ENTPD7: variants seen among roughly 807,000 people sequenced by gnomAD.
ENTPD7 encodes the protein NTPDase 7.
Under a neutral mutation model 77.9 loss-of-function variants are expected in ENTPD7, and 53 were observed. The observed-to-expected ratio is 0.68, with a 90% CI of 0.55 to 0.85. The LOEUF (loss-of-function observed/expected upper bound fraction) is 0.85, where lower values mean the gene tolerates loss of function less well. Ranked by LOEUF, ENTPD7 falls within the 40% of genes least tolerant of loss-of-function variation. The pLI is 0.00. For missense variants in ENTPD7, 636 were observed against 743.7 expected (o/e 0.86, Z 1.68); for synonymous variants, 248 against 274.9 (o/e 0.90, Z 0.97).
intron 10 of ENTPD7, among the ~76,000 whole-genome samples, chr10:99,700,154 C>T (rs2036082796): frequency 6.6e-6 from 1 of 152,098 alleles, no homozygotes; most frequent in South Asian, 2.1e-4. Flanking sequence ...TCTCTTATCT[C>T]AAAACTTCTT....
intron 6 of ENTPD7, 79 bp from the exon 7 acceptor site, chr10:99,688,615 A>G: frequency 7.7e-7 from 1 of 1,299,976 alleles, no homozygotes; most frequent in East Asian, 2.5e-5. Flanking sequence ...AAAAAGAGGA[A>G]AGAGAAGCCC....
intron 5 of ENTPD7, among the ~76,000 whole-genome samples, chr10:99,681,529 C>T (rs183897482): frequency 5.3e-5 from 8 of 152,196 alleles, no homozygotes; most frequent in Non-Finnish European, 7.4e-5. Flanking sequence ...GCAGTCTGCA[C>T]GTCTTGGCCT....
Position 99,695,964 on chromosome 10 carries a change from T to C in ENTPD7, c.852T>C (p.Ala284=). 1.2e-6 allele frequency: 2 copies of C among 1,612,878 alleles called. No homozygotes were observed. Among genetic ancestry groups the C allele is most frequent in the African/African-American group, 1.3e-5 (1 of 74,962 alleles). ...TSVLPAKQEE[A]AKILLAEFNL... Reference sequence around the variant, plus strand: ...TTGGTATTGTATTATAGGAAGAAGCTGCCAAGATCCTGCTGGCTGAGTTCA... The same window carrying C: ...TTGGTATTGTATTATAGGAAGAAGCCGCCAAGATCCTGCTGGCTGAGTTCA... Residue 284 remains alanine (A), a synonymous_variant, in exon 9 of 13, where the codon GCT becomes GCC. Coordinates refer to ENST00000370489, the MANE Select transcript of ENTPD7 (RefSeq NM_020354.5).
intron 6 of ENTPD7, 44 bp downstream of exon 6, chr10:99,685,939 C>A: frequency 7.8e-7 from 1 of 1,278,610 alleles, no homozygotes; most frequent in South Asian, 1.2e-5. Flanking sequence ...TCTAAGCCAA[C>A]CATGGCACAG....
chr10:99,671,971 A>T (rs1189219507), intron 3 of ENTPD7, among the ~76,000 whole-genome samples: 1 of 152,232 alleles, frequency 6.6e-6, no homozygotes, highest in Non-Finnish European at 1.5e-5. Flanking sequence ...TCTTTAGCAT[A>T]TACAGATGAA....
intron 3 of ENTPD7, among the ~76,000 whole-genome samples, chr10:99,678,064 T>A (rs1032849152): frequency 6.6e-6 from 1 of 152,172 alleles, no homozygotes; most frequent in African/African-American, 2.4e-5. Context: ...ATTATTATTA[T>A]TTTTTAAAAA....
At chr10:99,701,563 C>T (rs1409239528) in intron 11 of ENTPD7, among the ~76,000 whole-genome samples, 1 of 151,516 alleles carries the variant, frequency 6.6e-6, no homozygotes, top group East Asian at 2.0e-4. Flanking sequence ...GCTAGGATTA[C>T]AGGTATGAGC....
chr10:99,699,808 TG>T (rs2036073581), intron 10 of ENTPD7, among the ~76,000 whole-genome samples: 1 of 152,106 alleles, frequency 6.6e-6, no homozygotes, highest in Non-Finnish European at 1.5e-5. Flanking sequence ...TCAGGTGATC[TG>T]CCCGCCTTGG....
Position 99,706,982 on chromosome 10 carries a change from T to C in ENTPD7, c.*2299T>C, listed in dbSNP as rs774468091. On this transcript the variant is annotated 3_prime_UTR_variant, in exon 13 of 13. Coordinates refer to ENST00000370489, the MANE Select transcript of ENTPD7 (RefSeq NM_020354.5). ...TCCAGTTTGAAAGCTCTTATTAGTA[T>C]TCTTCATCCTGGCTGTAATAATAGC... 2.8e-4 allele frequency among the ~76,000 whole-genome samples: 43 copies of C among 152,340 alleles called. No homozygotes were observed. Among genetic ancestry groups the C allele is most frequent in the Non-Finnish European group, 3.8e-4 (26 of 68,018 alleles).
At chr10:99,686,820 G>A (rs1050183594) in intron 6 of ENTPD7, among the ~76,000 whole-genome samples, 1 of 151,004 alleles carries the variant, frequency 6.6e-6, no homozygotes, top group Admixed American at 6.6e-5. Context: ...TACATTATGA[G>A]ACTCTGGGTC....
At chr10:99,661,884 G>A (rs1247227923) in intron 3 of ENTPD7, among the ~76,000 whole-genome samples, 2 of 152,008 alleles carry the variant, frequency 1.3e-5, no homozygotes, top group Non-Finnish European at 2.9e-5. Context: ...TAAATGTTTA[G>A]GACTGTATTA....
chr10:99,662,892 C>T (rs886499621), intron 3 of ENTPD7, among the ~76,000 whole-genome samples: 7 of 152,206 alleles, frequency 4.6e-5, no homozygotes, highest in Non-Finnish European at 7.3e-5. Context: ...GTGCCATATC[C>T]TGTCATTTGT....
chr10:99,699,873 A>G (rs1386257900), intron 10 of ENTPD7, among the ~76,000 whole-genome samples: 1 of 151,492 alleles, frequency 6.6e-6, no homozygotes, highest in Non-Finnish European at 1.5e-5. Flanking sequence ...GCCTCTCCTC[A>G]TATTTCCCTC....
chr10:99,710,697 A>C lies in ENTPD7; in HGVS notation c.*6014A>C, dbSNP rs1288711636. The C allele has an allele frequency of 2.0e-6, 2 of 985,326 alleles. No individual in the cohort carries two copies. The highest frequency in any genetic ancestry group is 5.2e-4 in the Middle Eastern group (1 of 1,936). 61.0% of individuals were successfully genotyped at this position (985,326 alleles called of 1,614,324 possible). On this transcript the variant is annotated 3_prime_UTR_variant, in exon 13 of 13. Coordinates refer to ENST00000370489, the MANE Select transcript of ENTPD7 (RefSeq NM_020354.5). ...TATGCTGATATATAACCCACCATTC[A>C]TCCCAGGACCACAAGGGTAGCTGTA...
At chr10:99,700,719 T>TAG (rs1055003900) in intron 10 of ENTPD7, 1 of 489,598 alleles carries the variant, frequency 2.0e-6, no homozygotes, top group Non-Finnish European at 3.6e-6. Flanking sequence ...TTGCTATTTG[T>TAG]TAGTCCTAAC....
intron 3 of ENTPD7, among the ~76,000 whole-genome samples, chr10:99,669,239 C>A (rs1030565343): frequency 6.6e-6 from 1 of 152,034 alleles, no homozygotes; most frequent in Non-Finnish European, 1.5e-5. Flanking sequence ...GATAGTCTCT[C>A]TTGCACATTG....
At chr10:99,672,392 A>G (rs960588163) in intron 3 of ENTPD7, among the ~76,000 whole-genome samples, 5 of 151,558 alleles carry the variant, frequency 3.3e-5, no homozygotes, top group African/African-American at 1.2e-4. Context: ...TGCAGCCTCA[A>G]CCTCCCAGGC....
At position 99,669,274 on chromosome 10, in the gene ENTPD7, A is replaced by G. The variant is rs755114434; in HGVS notation, c.191+7646A>G. 4.5e-4 allele frequency among the ~76,000 whole-genome samples: 68 copies of G among 152,260 alleles called. No individual in the cohort carries two copies. In the Middle Eastern group the frequency reaches 0.024, roughly 53 times the overall value. ...GCATCTTTGTATTTTAATATATATGAAAGCAGTTAATGTTTAAAATATTTT... is the reference window on the plus strand; with the variant it reads ...GCATCTTTGTATTTTAATATATATGGAAGCAGTTAATGTTTAAAATATTTT... On this transcript the variant is annotated intron_variant, in intron 3 of 12. Transcript: ENST00000370489.
In ENTPD7 at chr10:99,698,783, GT is replaced by G; in HGVS notation, c.1267del (p.Tyr423IlefsTer33). 1.2e-6 allele frequency: 2 copies of G among 1,614,182 alleles called. No individual in the cohort carries two copies. The highest frequency in any genetic ancestry group is 1.7e-6 in the Non-Finnish European group (2 of 1,180,032). The stretch of plus-strand genomic sequence containing the variant: ...ACAGCGAGTTCTACGGCTTCTCTGA[GT>G]TTTTTTATTGTACAGAGGATGTGTT... ...NNSEFYGFSE[F>X]FYCTEDVLRI... On this transcript the variant is annotated frameshift_variant, in exon 10 of 13. Coordinates refer to ENST00000370489, the MANE Select transcript of ENTPD7 (RefSeq NM_020354.5). LOFTEE classifies it high-confidence loss of function.
Sources: gnomAD v4.1 joint callset for allele counts (sites outside exome capture counted in the v4.1 genomes callset) on GRCh38, gnomAD v4.1.1 for gene constraint, MANE v1.5 for transcripts, NCBI Gene and HGNC (gene_info 2026-07-23, HGNC 2026-07-21) for gene names.